LEO1: variants seen among roughly 807,000 people sequenced by gnomAD.
LEO1 encodes the protein RNA polymerase-associated protein LEO1.
Under a neutral mutation model 80.4 loss-of-function variants are expected in LEO1, and 34 were observed. The observed-to-expected ratio is 0.42, with a 90% CI of 0.32 to 0.56. The LOEUF (loss-of-function observed/expected upper bound fraction) is 0.56. Ranked by LOEUF, LEO1 falls within the 20% of genes least tolerant of loss-of-function variation. LEO1 has a pLI of 0.10. For synonymous variants in LEO1, 262 were observed against 274.9 expected (o/e 0.95, Z 0.46); for missense variants, 631 against 814.2 (o/e 0.77, Z 2.74).
At chr15:51,947,705 G>A (rs1024344275) in intron 10 of LEO1, among the ~76,000 whole-genome samples, 1 of 152,118 alleles carries the variant, frequency 6.6e-6, no homozygotes, top group African/African-American at 2.4e-5. Context: ...GATTATAGGC[G>A]TGAGCCACTG....
intron 9 of LEO1, among the ~76,000 whole-genome samples, chr15:51,951,112 C>T (rs2056945258): frequency 6.6e-6 from 1 of 152,146 alleles, no homozygotes; most frequent in Non-Finnish European, 1.5e-5. Flanking sequence ...TAAGAAAGGC[C>T]CTGAGGTAAC....
intron 1 of LEO1, among the ~76,000 whole-genome samples, chr15:51,970,013 G>A (rs931342975): frequency 1.3e-5 from 2 of 152,096 alleles, no homozygotes; most frequent in African/African-American, 4.8e-5. Flanking sequence ...CTGGTGCATT[G>A]CTGGTGGTAA....
chr15:51,954,655 A>C, intron 6 of LEO1, 80 bp from the exon 7 acceptor site: 21 of 896,892 alleles, frequency 2.3e-5, no homozygotes, highest in Non-Finnish European at 9.2e-6. Flanking sequence ...GAGGCACATA[A>C]TCACAGAATA....
At chr15:51,961,919 C>T (rs770936580) in intron 3 of LEO1, among the ~76,000 whole-genome samples, 37 of 151,440 alleles carry the variant, frequency 2.4e-4, no homozygotes, top group Non-Finnish European at 4.3e-4. Flanking sequence ...CCCAGCACTT[C>T]GGGAGGCTGA....
chr15:51,955,197 C>A, intron 6 of LEO1: 1 of 152,408 alleles, frequency 6.6e-6, no homozygotes, highest in South Asian at 2.1e-4. Context: ...CTGGGCCTCC[C>A]AAAGTGCTGG....
chr15:51,965,660 G>A (rs1028120410), intron 2 of LEO1, 89 bp downstream of exon 2: 3 of 1,493,388 alleles, frequency 2.0e-6, no homozygotes, highest in African/African-American at 2.8e-5. Flanking sequence ...AAAAAACAGG[G>A]TAATAAAGAT....
intron 11 of LEO1, among the ~76,000 whole-genome samples, chr15:51,945,445 T>C (rs553047160): frequency 6.6e-6 from 1 of 152,034 alleles, no homozygotes; most frequent in African/African-American, 2.4e-5. Context: ...TGCAACACTC[T>C]CCAGAGAGCT....
At chr15:51,958,557 G>A (rs1373788617) in intron 6 of LEO1, among the ~76,000 whole-genome samples, 185 bp downstream of exon 6, 1 of 152,184 alleles carries the variant, frequency 6.6e-6, no homozygotes, top group Non-Finnish European at 1.5e-5. Context: ...GTATCAAAGA[G>A]AAGCATTAAT....
intron 7 of LEO1, 84 bp downstream of exon 7, chr15:51,954,397 A>G (rs2141760647): frequency 1.2e-6 from 1 of 835,560 alleles, no homozygotes; most frequent in Non-Finnish European, 2.0e-6. Context: ...CTAATAATAA[A>G]TTTAAAACTA....
At chr15:51,969,239 G>C (rs1038401024) in intron 1 of LEO1, among the ~76,000 whole-genome samples, 2 of 152,012 alleles carry the variant, frequency 1.3e-5, no homozygotes, top group African/African-American at 2.4e-5. Flanking sequence ...GATTACAGGC[G>C]TGAGCCACTG....
intron 4 of LEO1, 152 bp downstream of exon 4, chr15:51,960,487 A>G: frequency 3.3e-6 from 2 of 598,558 alleles, no homozygotes; most frequent in Admixed American, 3.0e-5. Context: ...CTTATAACCA[A>G]GAGTTCCCTA....
Position 51,959,945 on chromosome 15 carries a change from C to T in LEO1, c.1114G>A (p.Asp372Asn). Residue 372 changes from aspartate (D) to asparagine (N), a missense_variant, in exon 5 of 12, where the codon GAC becomes AAC. By Grantham distance (23) the Asp-to-Asn change is conservative (BLOSUM62 1). Transcript: ENST00000299601. ...TTGGGCAGTTTAACAAAATATAAGT[C>T]GTTTCCTAAATCAGTGTTTACTTTG... ...IPKVNTDLGN[D>N]LYFVKLPNFL... 2 of 1,612,422 alleles carry T rather than the reference C, an allele frequency of 1.2e-6. No individual in the cohort carries two copies. Among genetic ancestry groups the T allele is most frequent in the Non-Finnish European group, 1.7e-6 (2 of 1,179,244 alleles).
At chr15:51,938,645 T>C (rs961487775) in intron 11 of LEO1, among the ~76,000 whole-genome samples, 1 of 152,230 alleles carries the variant, frequency 6.6e-6, no homozygotes, top group African/African-American at 2.4e-5. Context: ...TTAAAGACTG[T>C]TGATTTGGTT....
chr15:51,938,985 G>A (rs1298932250), intron 11 of LEO1, among the ~76,000 whole-genome samples: 1 of 152,164 alleles, frequency 6.6e-6, no homozygotes, highest in Non-Finnish European at 1.5e-5. Context: ...AGGAGTTTGA[G>A]ACCAGACTGG....
chr15:51,949,549 A>G (rs1299255421), intron 10 of LEO1, among the ~76,000 whole-genome samples: 4 of 151,958 alleles, frequency 2.6e-5, no homozygotes, highest in African/African-American at 7.3e-5. Flanking sequence ...AAAATACAAA[A>G]ATTAGCCAGG....
At chr15:51,961,839 A>C (rs948963951) in intron 3 of LEO1, among the ~76,000 whole-genome samples, 1 of 151,822 alleles carries the variant, frequency 6.6e-6, no homozygotes, top group Non-Finnish European at 1.5e-5. Flanking sequence ...CCCAATAAGA[A>C]GGTCAGCCCC....
Position 51,938,075 on chromosome 15 carries a change from T to A in LEO1, c.*81A>T. ...TTAAAATTACACAAAAGCAAATCGA[T>A]TCATTTCAATCAAAATAACTCATGT... On this transcript the variant is annotated 3_prime_UTR_variant, in exon 12 of 12. Transcript: ENST00000299601. 1 of 680,692 alleles carries A rather than the reference T, an allele frequency of 1.5e-6. No homozygotes were observed. The allele number at this position is 680,692 out of a possible 1,614,324, so 42.2% of individuals were successfully genotyped here.
chr15:51,962,286 G>A (rs1445164829), intron 3 of LEO1, 103 bp downstream of exon 3: 5 of 667,000 alleles, frequency 7.5e-6, no homozygotes, highest in Non-Finnish European at 1.2e-5. Context: ...TTATTCTGTG[G>A]GTCTGGCGAT....
chr15:51,940,575 G>T (rs2056842640), intron 11 of LEO1, among the ~76,000 whole-genome samples: 1 of 150,494 alleles, frequency 6.6e-6, no homozygotes, highest in African/African-American at 2.4e-5. Flanking sequence ...AAAAAAAAAG[G>T]CCTGCCAAGG....
Sources: gnomAD v4.1 joint callset for allele counts (sites outside exome capture counted in the v4.1 genomes callset) on GRCh38, gnomAD v4.1.1 for gene constraint, MANE v1.5 for transcripts, NCBI Gene and HGNC (gene_info 2026-07-23, HGNC 2026-07-21) for gene names.